The following CACNA1C variants were observed in gnomAD, a reference collection of about 807,000 sequenced individuals.
CACNA1C encodes calcium voltage-gated channel subunit alpha1 C, also known as voltage-dependent L-type calcium channel subunit alpha-1C.
A neutral mutation model predicts 229.0 loss-of-function variants in CACNA1C; 30 were observed. The ratio of observed to expected loss-of-function variants is 0.13; its 90% confidence interval spans 0.10 to 0.18. The LOEUF (loss-of-function observed/expected upper bound fraction) is 0.18. Ranked by LOEUF, CACNA1C falls within the 10% of genes least tolerant of loss-of-function variation. The pLI is 1.00. For missense variants in CACNA1C, 1,658 were observed against 2,845.0 expected (o/e 0.58, Z 9.49); for synonymous variants, 1,114 against 1,132.5 (o/e 0.98, Z 0.33).
At chr12:2,373,391 A>G (rs1009512369) in intron 3 of CACNA1C, among the ~76,000 whole-genome samples, 5 of 152,190 alleles carry the variant, frequency 3.3e-5, no homozygotes, top group Non-Finnish European at 5.9e-5. Flanking sequence ...TGTCAGGAAC[A>G]TGAATATACA....
intron 3 of CACNA1C, among the ~76,000 whole-genome samples, chr12:2,312,292 G>A (rs2095478627): frequency 6.6e-6 from 1 of 152,180 alleles, no homozygotes; most frequent in African/African-American, 2.4e-5. Context: ...TCCCCCAAAG[G>A]AGAAAGACTT....
intron 1 of CACNA1C, among the ~76,000 whole-genome samples, chr12:2,047,481 G>GGCT (rs2051280169): frequency 6.6e-6 from 1 of 152,218 alleles, no homozygotes; most frequent in Non-Finnish European, 1.5e-5. Flanking sequence ...GGCAGAACCT[G>GGCT]GCTCTGTGTC....
At chr12:2,074,938 A>G (rs539492343) in intron 1 of CACNA1C, among the ~76,000 whole-genome samples, 46 of 152,228 alleles carry the variant, frequency 3.0e-4, no homozygotes, top group African/African-American at 1.1e-3. Context: ...CAACCTGCCA[A>G]CACCCACATG....
chr12:2,046,538 A>G (rs1003861440), intron 1 of CACNA1C, among the ~76,000 whole-genome samples: 1 of 152,174 alleles, frequency 6.6e-6, no homozygotes, highest in Non-Finnish European at 1.5e-5. Flanking sequence ...CACACATGGT[A>G]GATGAATTCT....
At chr12:2,262,572 C>T (rs1356577957) in intron 3 of CACNA1C, among the ~76,000 whole-genome samples, 1 of 152,154 alleles carries the variant, frequency 6.6e-6, no homozygotes. Context: ...AGGAATCTGA[C>T]CTGCACCAAG....
chr12:2,333,063 T>C, intron 3 of CACNA1C, among the ~76,000 whole-genome samples: 1 of 152,152 alleles, frequency 6.6e-6, no homozygotes, highest in East Asian at 1.9e-4. Context: ...CCAGTCCCAG[T>C]TCTTCAGACT....
intron 3 of CACNA1C, among the ~76,000 whole-genome samples, chr12:2,271,764 T>C (rs2085102944): frequency 6.6e-6 from 1 of 151,526 alleles, no homozygotes; most frequent in Admixed American, 6.6e-5. Flanking sequence ...AGCATGGTGG[T>C]GCATGCCTGT....
chr12:2,674,703 C>T, intron 39 of CACNA1C, 61 bp downstream of exon 39: 1 of 1,443,064 alleles, frequency 6.9e-7, no homozygotes, highest in South Asian at 1.3e-5. Flanking sequence ...CCTCTGCCTG[C>T]CTCTCCTCCA....
intron 13 of CACNA1C, among the ~76,000 whole-genome samples, chr12:2,579,398 T>TAA (rs2059725985): frequency 1.3e-5 from 2 of 152,050 alleles, no homozygotes; most frequent in African/African-American, 4.8e-5. Context: ...TGCTTAAAGT[T>TAA]GCTGGTTCCC....
intron 10 of CACNA1C, chr12:2,550,430 G>A (rs1384854025): frequency 2.3e-6 from 2 of 870,212 alleles, no homozygotes; most frequent in Non-Finnish European, 3.2e-6. Flanking sequence ...AGTCCTGCTG[G>A]CCACCCTTTC....
intron 5 of CACNA1C, among the ~76,000 whole-genome samples, chr12:2,468,207 C>G (rs1365877466): frequency 6.6e-6 from 1 of 152,214 alleles, no homozygotes; most frequent in Non-Finnish European, 1.5e-5. Context: ...GTTCTAGATA[C>G]AGCAGGTAAA....
At position 2,519,431 on chromosome 12, in the gene CACNA1C, T is replaced by A. The variant is rs534305464; in HGVS notation, c.1390+6447T>A. On this transcript the variant is annotated intron_variant, in intron 9 of 46. Coordinates refer to ENST00000399655, the MANE Select transcript of CACNA1C (RefSeq NM_000719.7). ...ATTGTTCTGTCTGCTCAGAATTGAC[T>A]TCCTTGTGGCATCACCGATGACATC... 1.9e-4 allele frequency among the ~76,000 whole-genome samples: 29 copies of A among 152,354 alleles called. 1 individual carries two copies. Among genetic ancestry groups the A allele is most frequent in the South Asian group, 6.2e-4 (3 of 4,828 alleles).
At chr12:2,257,920 C>T (rs1403461432) in intron 3 of CACNA1C, among the ~76,000 whole-genome samples, 3 of 152,124 alleles carry the variant, frequency 2.0e-5, no homozygotes, top group Admixed American at 1.3e-4. Flanking sequence ...CCTACAGAAG[C>T]GGCATTTTCA....
Position 2,630,651 on chromosome 12 carries a change from T to C in CACNA1C, c.3829-3646T>C, listed in dbSNP as rs906470415. 2.0e-5 allele frequency among the ~76,000 whole-genome samples: 3 copies of C among 152,146 alleles called. No homozygotes were observed. Among genetic ancestry groups the C allele is most frequent in the African/African-American group, 7.2e-5 (3 of 41,418 alleles). On this transcript the variant is annotated intron_variant, in intron 29 of 46. Transcript: ENST00000399655. The surrounding 1 kb of genome is among the most constrained non-coding windows in gnomAD (Gnocchi z 5.4). The stretch of plus-strand genomic sequence containing the variant: ...GGGAGGATGGGTCAGGGTGAAGAGC[T>C]GCCTCTTAAAGGGACCCTGTTTGTG...
At chr12:2,128,437 G>T (rs1475192411) in intron 3 of CACNA1C, among the ~76,000 whole-genome samples, 6 of 152,060 alleles carry the variant, frequency 3.9e-5, no homozygotes, top group Non-Finnish European at 7.4e-5. Context: ...TTGAGACAGA[G>T]TCTCTCTCTG....
rs1403920764 is a variant in CACNA1C at position 2,346,180 on chromosome 12, C to G, written c.478-102796C>G. Among the ~76,000 whole-genome samples, 1 of 151,822 alleles carries G rather than the reference C, an allele frequency of 6.6e-6. No homozygotes were observed. Among genetic ancestry groups the G allele is most frequent in the African/African-American group, 2.4e-5 (1 of 41,314 alleles). On this transcript the variant is annotated intron_variant, in intron 3 of 46. Coordinates refer to ENST00000399655, the MANE Select transcript of CACNA1C (RefSeq NM_000719.7). This position sits in a 1 kb window ranked among gnomAD's most constrained non-coding sequence, Gnocchi z 4.4. ...TGGCTTGGTTGTCTGTGGGTGGAGCCGAGGAAGGCAGAGGTGTGCGTGTGT... is the reference window on the plus strand; with the variant it reads ...TGGCTTGGTTGTCTGTGGGTGGAGCGGAGGAAGGCAGAGGTGTGCGTGTGT...
intron 29 of CACNA1C, among the ~76,000 whole-genome samples, chr12:2,626,180 G>A (rs191838171): frequency 1.3e-5 from 2 of 152,348 alleles, no homozygotes; most frequent in East Asian, 1.9e-4. Context: ...GCTGGGCATG[G>A]CTCCCTCCCC....
intron 1 of CACNA1C, among the ~76,000 whole-genome samples, chr12:2,113,805 C>T (rs899580032): frequency 6.6e-5 from 10 of 152,198 alleles, no homozygotes; most frequent in South Asian, 2.1e-4. Flanking sequence ...GACTCTAGAG[C>T]GAGGCATCCA....
At position 2,115,383 on chromosome 12, in the gene CACNA1C, A is replaced by G. The variant is rs1265762175; in HGVS notation, c.209A>G (p.Asn70Ser). 2 of 1,609,146 alleles carry G rather than the reference A, an allele frequency of 1.2e-6. No individual in the cohort carries two copies. The highest frequency in any genetic ancestry group is 8.5e-7 in the Non-Finnish European group (1 of 1,178,990). Reference sequence around the variant, plus strand: ...GCTAAGCTGATGGGCAGCGCTGGCAATGCGACCATCTCCACAGTCAGCTCC... The same window carrying G: ...GCTAAGCTGATGGGCAGCGCTGGCAGTGCGACCATCTCCACAGTCAGCTCC... ...RQAKLMGSAG[N>S]ATISTVSSTQ... The change falls in exon 2 of 47, where the codon AAT (asparagine) becomes AGT (serine). Residue 70 changes from asparagine to serine, a missense_variant. Around this residue, in one of 20 missense-constraint regions of CACNA1C, gnomAD observed 111 missense variants for 128.0 expected, o/e 0.87. Transcript: ENST00000399655.
Sources: gnomAD v4.1 joint callset for allele counts (sites outside exome capture counted in the v4.1 genomes callset) on GRCh38, gnomAD v4.1.1 for gene constraint, gnomAD v4.1.1 regional missense constraint, Gnocchi (gnomAD v3.1) non-coding constraint, MANE v1.5 for transcripts, NCBI Gene and HGNC (gene_info 2026-07-23, HGNC 2026-07-21) for gene names.